RARB: variants seen among roughly 807,000 people sequenced by gnomAD.
RARB encodes the protein HBV-activated protein.
RARB carries 17 observed loss-of-function variants against 51.9 expected under a neutral mutation model. The observed-to-expected ratio is 0.33, with a 90% CI of 0.22 to 0.49. RARB has a LOEUF of 0.49. RARB is among the 20% of genes least tolerant of loss of function. The pLI is 0.99. For synonymous variants in RARB, 215 were observed against 195.4 expected (o/e 1.10, Z -0.84); for missense variants, 369 against 550.8 (o/e 0.67, Z 3.30).
At position 25,003,757 on chromosome 3, in the gene RARB, C is replaced by T. The variant is rs182822417; in HGVS notation, c.-379-56368C>T. Among the ~76,000 whole-genome samples the T allele has an allele frequency of 2.6e-5, 4 of 152,218 alleles. No homozygotes were observed. The East Asian group carries it at 7.7e-4, about 29-fold the overall frequency. ...GAATAAGGTAGTAAGAAAACCATTA[C>T]TTGCCTGGAGGTGATATGAACAGAT... On this transcript the variant is annotated intron_variant, in intron 2 of 11. Transcript: ENST00000383772.
intron 2 of RARB, among the ~76,000 whole-genome samples, chr3:24,872,081 A>T (rs1206689315): frequency 6.6e-6 from 1 of 152,142 alleles, no homozygotes; most frequent in African/African-American, 2.4e-5. Flanking sequence ...GACACTTCTT[A>T]AAGTCCTCGA....
At chr3:24,864,243 G>A (rs1702807681) in intron 2 of RARB, among the ~76,000 whole-genome samples, 1 of 152,136 alleles carries the variant, frequency 6.6e-6, no homozygotes, top group Admixed American at 6.5e-5. Context: ...TGGTATCCAG[G>A]TTCTGTCCTC....
At chr3:25,546,820 C>T (rs933666711) in intron 3 of RARB, among the ~76,000 whole-genome samples, 5 of 152,040 alleles carry the variant, frequency 3.3e-5, no homozygotes, top group African/African-American at 9.7e-5. Flanking sequence ...AGTTTTTTCT[C>T]GGCATACACA....
chr3:25,105,595 A>G (rs1699484837), intron 3 of RARB, among the ~76,000 whole-genome samples: 1 of 152,122 alleles, frequency 6.6e-6, no homozygotes, highest in Admixed American at 6.6e-5. Context: ...GGAGGGAGGA[A>G]TTGGAAGAAT....
chr3:24,921,437 T>G (rs11716868), intron 2 of RARB, among the ~76,000 whole-genome samples: 28,437 of 152,056 alleles, frequency 0.19, 3,377 homozygotes, highest in East Asian at 0.33. Context: ...TGGAGCACAT[T>G]TTTTGTCTTT....
At chr3:25,531,462 T>TG (rs1273245613) in intron 3 of RARB, among the ~76,000 whole-genome samples, 1 of 152,134 alleles carries the variant, frequency 6.6e-6, no homozygotes, top group Admixed American at 6.5e-5. Context: ...TATGTGTGTT[T>TG]GTGTGTGTGC....
chr3:24,936,675 T>A (rs953254016), intron 2 of RARB, among the ~76,000 whole-genome samples: 1 of 152,216 alleles, frequency 6.6e-6, no homozygotes, highest in African/African-American at 2.4e-5. Flanking sequence ...TAACATGACA[T>A]TTGCTTTTAA....
At chr3:25,372,910 A>G (rs1325986915) in intron 5 of RARB, among the ~76,000 whole-genome samples, 1 of 152,222 alleles carries the variant, frequency 6.6e-6, no homozygotes, top group African/African-American at 2.4e-5. Context: ...CATTGTAGGT[A>G]AAGTCACAGG....
intron 2 of RARB, among the ~76,000 whole-genome samples, chr3:24,917,833 G>A (rs879585859): frequency 6.6e-5 from 10 of 152,098 alleles, no homozygotes; most frequent in Non-Finnish European, 1.2e-4. Flanking sequence ...AGCCCATGTC[G>A]TTAGTCTCTA....
At chr3:25,480,566 A>G (rs960649500) in intron 2 of RARB, among the ~76,000 whole-genome samples, 5 of 152,162 alleles carry the variant, frequency 3.3e-5, no homozygotes, top group South Asian at 2.1e-4. Context: ...GCAAGGATGC[A>G]TTTTGGTGAT....
chr3:25,043,202 T>C (rs1167456444), intron 2 of RARB, among the ~76,000 whole-genome samples: 1 of 152,360 alleles, frequency 6.6e-6, no homozygotes, highest in Non-Finnish European at 1.5e-5. Flanking sequence ...TTGACACTCA[T>C]TCTAACATTA....
intron 1 of RARB, among the ~76,000 whole-genome samples, chr3:24,837,720 A>T (rs1339609004): frequency 1.3e-5 from 2 of 152,188 alleles, no homozygotes; most frequent in African/African-American, 4.8e-5. Context: ...ACAGGCTCTA[A>T]ATCACCAGAA....
chr3:25,263,848 C>T (rs2125407963), intron 5 of RARB, among the ~76,000 whole-genome samples: 1 of 152,292 alleles, frequency 6.6e-6, no homozygotes, highest in Non-Finnish European at 1.5e-5. Context: ...ACACTGATCG[C>T]CTCCTCCCAG....
chr3:24,972,330 G>A (rs1255779186), intron 2 of RARB, among the ~76,000 whole-genome samples: 1 of 151,566 alleles, frequency 6.6e-6, no homozygotes, highest in Non-Finnish European at 1.5e-5. Context: ...CCTTCTTTTT[G>A]TGGCTGAATA....
intron 3 of RARB, among the ~76,000 whole-genome samples, chr3:25,130,925 T>TATTGA (rs1559477512): frequency 2.8e-4 from 8 of 28,298 alleles, no homozygotes; most frequent in East Asian, 1.7e-3. Flanking sequence ...TTATCAATAT[T>TATTGA]TATCATTGAT....
chr3:24,960,384 T>C (rs1233900431), intron 2 of RARB, among the ~76,000 whole-genome samples: 1 of 152,220 alleles, frequency 6.6e-6, no homozygotes, highest in East Asian at 1.9e-4. Context: ...ACATTTTGTT[T>C]CCTAGGAAAA....
intron 3 of RARB, among the ~76,000 whole-genome samples, chr3:25,118,179 G>A (rs1281809883): frequency 1.3e-5 from 2 of 152,136 alleles, no homozygotes; most frequent in African/African-American, 4.8e-5. Context: ...CATGAATGGT[G>A]TCCTCATCAT....
intron 5 of RARB, among the ~76,000 whole-genome samples, chr3:25,203,361 C>T (rs544637850): frequency 6.6e-6 from 1 of 152,316 alleles, no homozygotes; most frequent in South Asian, 2.1e-4. Context: ...ATACAGGACA[C>T]TGACAGGTCT....
intron 5 of RARB, among the ~76,000 whole-genome samples, chr3:25,232,973 C>CTTT (rs71061205): frequency 0.032 from 3,850 of 118,712 alleles, 111 homozygotes; most frequent in East Asian, 0.071. Context: ...TTTTCTTTTT[C>CTTT]TTTTTTTTTT....
Sources: gnomAD v4.1 joint callset for allele counts (sites outside exome capture counted in the v4.1 genomes callset) on GRCh38, gnomAD v4.1.1 for gene constraint, MANE v1.5 for transcripts, NCBI Gene and HGNC (gene_info 2026-07-23, HGNC 2026-07-21) for gene names.